Variants in EIPR1 observed in about 807,000 individuals in gnomAD.
EIPR1 encodes the protein EARP complex and GARP complex interacting protein 1.
EIPR1 carries 25 observed loss-of-function variants against 48.1 expected under a neutral mutation model. That is an observed-to-expected ratio of 0.52 (90% confidence interval 0.38 to 0.73). The LOEUF (loss-of-function observed/expected upper bound fraction) is 0.73. EIPR1 is among the 30% of genes least tolerant of loss of function. EIPR1 has a pLI of 0.00. For missense variants in EIPR1, 415 were observed against 506.2 expected (o/e 0.82, Z 1.73); for synonymous variants, 204 against 201.9 (o/e 1.01, Z -0.09).
intron 6 of EIPR1, among the ~76,000 whole-genome samples, chr2:3,195,426 A>G (rs769123286): frequency 1.3e-5 from 2 of 152,166 alleles, no homozygotes; most frequent in Non-Finnish European, 2.9e-5. Context: ...CTGCTCTCCA[A>G]AGTAGAGGAA....
chr2:3,321,430 G>A (rs530646224), intron 3 of EIPR1, among the ~76,000 whole-genome samples: 3 of 152,288 alleles, frequency 2.0e-5, no homozygotes, highest in Non-Finnish European at 4.4e-5. Context: ...GGCACTTGAC[G>A]ATGAGGCTGA....
intron 1 of EIPR1, among the ~76,000 whole-genome samples, chr2:3,361,668 C>T (rs568782122): frequency 3.9e-5 from 6 of 152,116 alleles, no homozygotes; most frequent in Non-Finnish European, 7.3e-5. Flanking sequence ...ACCCAACTGT[C>T]AGACCCAACA....
intron 5 of EIPR1, among the ~76,000 whole-genome samples, chr2:3,197,371 G>A (rs529392507): frequency 1.3e-5 from 2 of 152,354 alleles, no homozygotes; most frequent in African/African-American, 4.8e-5. Context: ...AAACAAGTCA[G>A]GTCCACCTGA....
chr2:3,189,328 C>A lies in EIPR1; in HGVS notation c.*6G>T. The A allele has an allele frequency of 6.4e-7, 1 of 1,571,758 alleles. No individual in the cohort carries two copies. On this transcript the variant is annotated 3_prime_UTR_variant, in exon 9 of 9. Transcript: ENST00000382125. The surrounding 1 kb of genome is among the most constrained non-coding windows in gnomAD (Gnocchi z 4.6). ...CAATGGGACCTGGATAACCCAGGCC[C>A]GGGAGTCATAGCAGGATGTGGTACT...
rs1668178035 is a variant in EIPR1, at chr2:3,286,143, G to A, written c.260-28688C>T. ...TTCCAGCCAAGCCCCCAGGCACATG[G>A]AGCAGACACAAGCCACACCTGCTAT... On this transcript the variant is annotated intron_variant, in intron 3 of 8. Transcript: ENST00000382125. This position sits in a 1 kb window ranked among gnomAD's most constrained non-coding sequence, Gnocchi z 4.2. 6.6e-6 allele frequency among the ~76,000 whole-genome samples: 1 copy of A among 152,170 alleles called. No individual in the cohort carries two copies. Among genetic ancestry groups the A allele is most frequent in the African/African-American group, 2.4e-5 (1 of 41,446 alleles).
chr2:3,269,519 T>A lies in EIPR1; in HGVS notation c.260-12064A>T, dbSNP rs1572379508. Among the ~76,000 whole-genome samples, 14 of 71,026 alleles carry A rather than the reference T, an allele frequency of 2.0e-4. 2 individuals are homozygous for A. The highest frequency in any genetic ancestry group is 5.0e-4 in the South Asian group (1 of 1,984). The allele number at this position is 71,026 out of a possible 152,430, so 46.6% of individuals were successfully genotyped here. A position where few individuals can be genotyped will look rare whatever the true frequency, so the allele number is the denominator to read the frequency against. ...TCATCGCACTCAATCATCATCACAC[T>A]CAATCATCGCACTCAGTCATCGCAC... is the stretch of plus-strand genomic sequence containing the variant. On this transcript the variant is annotated intron_variant, in intron 3 of 8. Transcript: ENST00000382125.
intron 4 of EIPR1, among the ~76,000 whole-genome samples, chr2:3,243,164 T>C (rs1666690713): frequency 6.6e-6 from 1 of 152,152 alleles, no homozygotes; most frequent in Admixed American, 6.6e-5. Context: ...ATAACCCCGT[T>C]TAAAGTCTGA....
intron 2 of EIPR1, chr2:3,353,087 A>G (rs1335899731): frequency 1.0e-5 from 4 of 383,230 alleles, no homozygotes; most frequent in Non-Finnish European, 2.1e-5. Flanking sequence ...CATAACTAAT[A>G]ATCATTGTGT....
Position 3,211,302 on chromosome 2 carries a change from C to T in EIPR1, c.516+2847G>A, listed in dbSNP as rs143902769. 3.3e-5 allele frequency among the ~76,000 whole-genome samples: 5 copies of T among 151,704 alleles called. No individual in the cohort carries two copies. The East Asian group carries it at 9.8e-4, about 30-fold the overall frequency. ...AAACAAGCCTCTTTCCTCTGTACCA[C>T]GTCTCTTCCAGTTTGGAGAACAAGA... On this transcript the variant is annotated intron_variant, in intron 5 of 8. Coordinates refer to ENST00000382125, the MANE Select transcript of EIPR1 (RefSeq NM_003310.5).
chr2:3,198,212 G>T (rs745660561), intron 5 of EIPR1, among the ~76,000 whole-genome samples: 1 of 152,200 alleles, frequency 6.6e-6, no homozygotes, highest in Admixed American at 6.5e-5. Context: ...GAGCGCACTG[G>T]CTGCAGATGC....
intron 1 of EIPR1, among the ~76,000 whole-genome samples, chr2:3,355,324 C>A (rs1328070034): frequency 1.3e-5 from 2 of 152,150 alleles, no homozygotes; most frequent in African/African-American, 4.8e-5. Flanking sequence ...GGTGTACAGC[C>A]CAGGAGTGAA....
chr2:3,318,075 C>T (rs1297883842), intron 3 of EIPR1, among the ~76,000 whole-genome samples: 1 of 152,228 alleles, frequency 6.6e-6, no homozygotes, highest in Non-Finnish European at 1.5e-5. Context: ...GTCCCAGGCG[C>T]ACAGCCGTGG....
chr2:3,300,574 G>A (rs1376223020), intron 3 of EIPR1, among the ~76,000 whole-genome samples: 1 of 152,076 alleles, frequency 6.6e-6, no homozygotes, highest in African/African-American at 2.4e-5. Context: ...GTTTCTCAAG[G>A]CTGTACTTCA....
At chr2:3,225,919 A>G (rs73131494) in intron 4 of EIPR1, among the ~76,000 whole-genome samples, 2,352 of 152,340 alleles carry the variant, frequency 0.015, 57 homozygotes, top group African/African-American at 0.054. Flanking sequence ...CATTTTACTT[A>G]GCATAATGTC....
chr2:3,308,068 C>T (rs562887215), intron 3 of EIPR1, among the ~76,000 whole-genome samples: 7 of 152,308 alleles, frequency 4.6e-5, no homozygotes, highest in African/African-American at 1.2e-4. Flanking sequence ...CAGCGCTGGC[C>T]GACGCTGTCG....
At chr2:3,221,730 A>G (rs13424041) in intron 4 of EIPR1, among the ~76,000 whole-genome samples, 63 of 4,536 alleles carry the variant, frequency 0.014, 21 homozygotes, top group Admixed American at 0.036. Context: ...AATGGCCAAG[A>G]TACACTCTAG....
intron 8 of EIPR1, among the ~76,000 whole-genome samples, chr2:3,191,727 G>C (rs1203315651): frequency 6.6e-6 from 1 of 152,152 alleles, no homozygotes; most frequent in Admixed American, 6.5e-5. Context: ...AAGGACACAG[G>C]GGCCCTGGCA....
intron 2 of EIPR1, among the ~76,000 whole-genome samples, chr2:3,350,116 T>TAA (rs1670525889): frequency 7.2e-5 from 2 of 27,736 alleles, no homozygotes; most frequent in South Asian, 2.0e-3. Flanking sequence ...AGACTCTGTC[T>TAA]CAAAAAAAAA....
intron 3 of EIPR1, chr2:3,274,301 A>G (rs1667783335): frequency 6.5e-7 from 1 of 1,550,200 alleles, no homozygotes; most frequent in Admixed American, 2.0e-5. Flanking sequence ...ACACTGTAGC[A>G]CAAATGCAGA....
Sources: gnomAD v4.1 joint callset for allele counts (sites outside exome capture counted in the v4.1 genomes callset) on GRCh38, gnomAD v4.1.1 for gene constraint, Gnocchi (gnomAD v3.1) non-coding constraint, MANE v1.5 for transcripts, NCBI Gene and HGNC (gene_info 2026-07-23, HGNC 2026-07-21) for gene names.